TPO: variants seen among roughly 807,000 people sequenced by gnomAD.
The protein encoded by TPO is thyroid microsomal antigen.
Under a neutral mutation model 96.9 loss-of-function variants are expected in TPO, and 78 were observed. The observed-to-expected ratio is 0.81, with a 90% CI of 0.67 to 0.97. The LOEUF (loss-of-function observed/expected upper bound fraction) is 0.97. Ranked by LOEUF, TPO falls within the 50% of genes least tolerant of loss-of-function variation. The pLI is 0.00. For missense variants in TPO, 1,252 were observed against 1,274.8 expected, an observed-to-expected ratio of 0.98 and a Z score of 0.27; for synonymous variants, 547 against 538.0, an observed-to-expected ratio of 1.02 and a Z score of -0.23.
At chr2:1,380,165 T>C (rs183073349) in intron 1 of TPO, among the ~76,000 whole-genome samples, 234 of 151,982 alleles carry the variant, frequency 1.5e-3, no homozygotes, top group Non-Finnish European at 2.0e-3. Context: ...GAGGCCGAGG[T>C]GGGCGGATCA....
chr2:1,499,437 G>A (rs1672660714), intron 13 of TPO, among the ~76,000 whole-genome samples: 1 of 152,130 alleles, frequency 6.6e-6, no homozygotes, highest in African/African-American at 2.4e-5. Flanking sequence ...TTGTAAGAAG[G>A]ACTATTTCTG....
intron 1 of TPO, among the ~76,000 whole-genome samples, chr2:1,385,403 T>C (rs183469554): frequency 3.7e-3 from 562 of 152,328 alleles, no homozygotes; most frequent in African/African-American, 0.013. Context: ...TATTGGTCTA[T>C]TAAGAGATTC....
chr2:1,416,798 T>C (rs1663009245), intron 2 of TPO, among the ~76,000 whole-genome samples: 1 of 152,218 alleles, frequency 6.6e-6, no homozygotes, highest in Admixed American at 6.5e-5. Context: ...GCCCAATGAC[T>C]GTGTGTGGGT....
In TPO at chr2:1,453,814, A is replaced by G; in HGVS notation, c.603A>G (p.Pro201=). 1.2e-6 allele frequency: 2 copies of G among 1,613,728 alleles called. No homozygotes were observed. The highest frequency in any genetic ancestry group is 1.7e-6 in the Non-Finnish European group (2 of 1,180,026). ...CCGGCTTCTTGTACAACGGGTTCCC[A>G]CTGCCCCCGGTGGGTACTCAGAACG... The part of the protein sequence containing the change: ...WNPGFLYNGF[P]LPPVREVTRH... The change falls in exon 6 of 17, where the codon CCA becomes CCG. Residue 201 remains proline (P), a synonymous_variant. Transcript: ENST00000329066.
intron 2 of TPO, among the ~76,000 whole-genome samples, chr2:1,415,674 G>A (rs1662880003): frequency 6.6e-6 from 1 of 152,072 alleles, no homozygotes; most frequent in East Asian, 1.9e-4. Flanking sequence ...TGCCGGGCAG[G>A]TCCCTGGGTC....
At chr2:1,520,029 GA>G (rs1352788761) in intron 15 of TPO, among the ~76,000 whole-genome samples, 2 of 152,146 alleles carry the variant, frequency 1.3e-5, no homozygotes, top group African/African-American at 2.4e-5. Context: ...TGAAAGATAT[GA>G]AAAAGTGGAT....
intron 14 of TPO, among the ~76,000 whole-genome samples, chr2:1,507,451 T>C (rs1442710221): frequency 2.6e-5 from 4 of 152,166 alleles, no homozygotes; most frequent in South Asian, 2.1e-4. Flanking sequence ...GGGGATGGCA[T>C]TGAATCTATA....
chr2:1,415,308 G>A (rs575322697), intron 2 of TPO, among the ~76,000 whole-genome samples: 1 of 140,900 alleles, frequency 7.1e-6, no homozygotes, highest in East Asian at 2.2e-4. Context: ...CACTGGGCAG[G>A]TCCCTGGGCC....
chr2:1,526,084 TCCCACTGTGCGCAACCTCCCCAAATCCC>T (rs1676420471), intron 15 of TPO, among the ~76,000 whole-genome samples: 1 of 13,274 alleles, frequency 7.5e-5, no homozygotes, highest in Non-Finnish European at 1.4e-4. Flanking sequence ...CCCCAAATCC[TCCCACTGTGCGCAACCTCCCCAAATCCC>T]CCCGACTCTG....
chr2:1,491,775 A>T (rs1671788791), intron 10 of TPO, among the ~76,000 whole-genome samples: 1 of 152,096 alleles, frequency 6.6e-6, no homozygotes, highest in African/African-American at 2.4e-5. Context: ...ATAAAGATGA[A>T]ATTTTGTTGG....
intron 1 of TPO, chr2:1,374,426 T>A (rs1661686768): frequency 1.3e-5 from 2 of 152,200 alleles, no homozygotes; most frequent in South Asian, 4.1e-4. Flanking sequence ...GTTTTCCTTT[T>A]CCTTTTTACT....
At chr2:1,420,557 C>G (rs765782396) in intron 2 of TPO, among the ~76,000 whole-genome samples, 1 of 152,088 alleles carries the variant, frequency 6.6e-6, no homozygotes, top group East Asian at 1.9e-4. Flanking sequence ...ATAAATTGTG[C>G]GTTACCTCCA....
At position 1,493,864 on chromosome 2, in the gene TPO, A is replaced by G. The variant is rs759902376; in HGVS notation, c.1831A>G (p.Thr611Ala). The change falls in exon 11 of 17, where the codon ACA becomes GCA. Residue 611 changes from threonine to alanine, a missense_variant. Coordinates refer to ENST00000329066, the MANE Select transcript of TPO (RefSeq NM_001206744.2). The part of the protein sequence containing the change: ...PRLETPADLS[T>A]AIASRSVADK... ...CCTGGAGACCCCCGCTGACCTGAGCACAGCCATCGCCAGCAGGAGCGTGGC... is the reference window on the plus strand; with the variant it reads ...CCTGGAGACCCCCGCTGACCTGAGCGCAGCCATCGCCAGCAGGAGCGTGGC... The G allele has an allele frequency of 1.2e-6, 2 of 1,614,174 alleles. No individual in the cohort carries two copies. Among genetic ancestry groups the G allele is most frequent in the South Asian group, 1.1e-5 (1 of 91,076 alleles).
intron 3 of TPO, among the ~76,000 whole-genome samples, chr2:1,425,778 C>T (rs1033152700): frequency 7.1e-6 from 1 of 141,228 alleles, no homozygotes; most frequent in Non-Finnish European, 1.6e-5. Context: ...TACAGAGATG[C>T]GTTAGATCAT....
At chr2:1,494,243 G>A (rs759644905) in intron 11 of TPO, among the ~76,000 whole-genome samples, 2 of 152,340 alleles carry the variant, frequency 1.3e-5, no homozygotes, top group Admixed American at 6.5e-5. Flanking sequence ...TACGAAGCAC[G>A]TAGCACTTAG....
At chr2:1,377,639 AC>A (rs1268627307) in intron 1 of TPO, among the ~76,000 whole-genome samples, 6 of 152,146 alleles carry the variant, frequency 3.9e-5, no homozygotes, top group African/African-American at 1.4e-4. Flanking sequence ...CTCAGAACCC[AC>A]CAAATTCATG....
chr2:1,539,973 C>T (rs557183123), intron 15 of TPO, among the ~76,000 whole-genome samples: 2 of 152,246 alleles, frequency 1.3e-5, no homozygotes, highest in South Asian at 2.1e-4. Flanking sequence ...TTTGTACTTA[C>T]AGTTAAATCC....
chr2:1,540,972 A>T, intron 16 of TPO: 6 of 1,469,576 alleles, frequency 4.1e-6, no homozygotes, highest in Non-Finnish European at 5.5e-6. Context: ...CTAAGGGCTC[A>T]CTTTCAGGCG....
At chr2:1,526,798 TC>T (rs1455180468) in intron 15 of TPO, among the ~76,000 whole-genome samples, 1 of 34,838 alleles carries the variant, frequency 2.9e-5, no homozygotes, top group Non-Finnish European at 5.1e-5. Context: ...CTATGCAACC[TC>T]CCCAAATCCC....
Sources: gnomAD v4.1 joint callset for allele counts (sites outside exome capture counted in the v4.1 genomes callset) on GRCh38, gnomAD v4.1.1 for gene constraint, MANE v1.5 for transcripts, NCBI Gene and HGNC (gene_info 2026-07-23, HGNC 2026-07-21) for gene names.